RASA3: variants seen among roughly 807,000 people sequenced by gnomAD.
RASA3 encodes RAS p21 protein activator 3.
In RASA3, 73 loss-of-function variants were observed where a neutral mutation model predicts 110.0. The ratio of observed to expected loss-of-function variants is 0.66; its 90% CI spans 0.55 to 0.81. RASA3 has a LOEUF of 0.81. Among genes scored for constraint, RASA3 ranks in the 30% least tolerant of loss-of-function variants. RASA3 has a pLI of 0.00. For missense variants in RASA3, 976 were observed against 1,113.2 expected (o/e 0.88, Z 1.75); for synonymous variants, 500 against 451.4 (o/e 1.11, Z -1.37).
intron 23 of RASA3, among the ~76,000 whole-genome samples, chr13:113,980,505 C>T (rs116055252): frequency 2.3e-3 from 352 of 151,738 alleles, no homozygotes; most frequent in African/African-American, 8.4e-3. Context: ...GCATCTTGTA[C>T]CATGTGTGCC....
chr13:114,104,053 G>C (rs1313545753), intron 1 of RASA3, among the ~76,000 whole-genome samples: 1 of 27,950 alleles, frequency 3.6e-5, no homozygotes, highest in Non-Finnish European at 6.8e-5. Flanking sequence ...ATGCGTCCAT[G>C]CTGCCACGGC....
intron 1 of RASA3, among the ~76,000 whole-genome samples, chr13:114,107,023 G>A (rs1381596956): frequency 6.6e-6 from 1 of 152,232 alleles, no homozygotes; most frequent in Middle Eastern, 3.2e-3. Context: ...TGGCAAGGAC[G>A]GCTTGGTGTG....
At chr13:114,078,880 C>A (rs59110362) in intron 1 of RASA3, among the ~76,000 whole-genome samples, 1 of 152,120 alleles carries the variant, frequency 6.6e-6, no homozygotes, top group Non-Finnish European at 1.5e-5. Context: ...CGGGGCTGCC[C>A]GCAGCACCCG....
In RASA3 at chr13:114,128,380, T is replaced by C. The variant is rs2139805838; in HGVS notation, c.55+4055A>G. Among the ~76,000 whole-genome samples the C allele has an allele frequency of 3.3e-5, 5 of 152,352 alleles. No homozygotes were observed. In the Middle Eastern group the frequency reaches 0.017, roughly 518 times the overall value. ...TGTAACAGCCCTGTGACCAGCGGCCTCCACCTCCCGTGAGGGAGTCCATCA... is the reference window on the plus strand; with the variant it reads ...TGTAACAGCCCTGTGACCAGCGGCCCCCACCTCCCGTGAGGGAGTCCATCA... On this transcript the variant is annotated intron_variant, in intron 1 of 23. Coordinates refer to ENST00000334062, the MANE Select transcript of RASA3 (RefSeq NM_007368.4).
rs1206302061 is a variant in RASA3, at chr13:114,132,598, T to C, written c.-109A>G. 5 of 935,088 alleles carry C rather than the reference T, an allele frequency of 5.3e-6. No homozygotes were observed. In the East Asian group the frequency reaches 2.0e-4, roughly 38 times the overall value. The allele number at this position is 935,088 out of a possible 1,614,324, so 57.9% of individuals were successfully genotyped here. A position where few individuals can be genotyped will look rare whatever the true frequency, so the allele number is the denominator to read the frequency against. ...CCGGAGCCCCGAGCGCGGCCGAGGG[T>C]CCGCCCGCCTGCAAGACCGCCAGTT... On this transcript the variant is annotated 5_prime_UTR_variant, in exon 1 of 24. Transcript: ENST00000334062.
At chr13:114,104,256 G>C (rs1479816567) in intron 1 of RASA3, among the ~76,000 whole-genome samples, 2 of 41,448 alleles carry the variant, frequency 4.8e-5, no homozygotes, top group African/African-American at 1.1e-4. Flanking sequence ...ACACTGCCAC[G>C]GCCACGGACA....
intron 1 of RASA3, among the ~76,000 whole-genome samples, chr13:114,079,032 C>T (rs113995317): frequency 0.067 from 10,163 of 152,324 alleles, 367 homozygotes; most frequent in Middle Eastern, 0.13. Flanking sequence ...AACACAGCAG[C>T]GGGCGTCTCC....
intron 1 of RASA3, among the ~76,000 whole-genome samples, chr13:114,093,196 T>A (rs1387923669): frequency 6.6e-6 from 1 of 152,236 alleles, no homozygotes; most frequent in Admixed American, 6.5e-5. Flanking sequence ...CACATTAGCA[T>A]CCTTTTCCTT....
intron 1 of RASA3, among the ~76,000 whole-genome samples, chr13:114,082,865 C>T (rs558335908): frequency 6.6e-6 from 1 of 152,308 alleles, no homozygotes; most frequent in African/African-American, 2.4e-5. Flanking sequence ...ATGTGTAGCA[C>T]ACAACTCACA....
At chr13:113,981,485 G>A (rs574416466) in intron 23 of RASA3, among the ~76,000 whole-genome samples, 190 bp downstream of exon 23, 1 of 152,188 alleles carries the variant, frequency 6.6e-6, no homozygotes, top group Non-Finnish European at 1.5e-5. Flanking sequence ...CTCTGAAGGA[G>A]GGACCAGCAG....
intron 1 of RASA3, among the ~76,000 whole-genome samples, chr13:114,076,827 C>T (rs1308366170): frequency 6.6e-6 from 1 of 152,184 alleles, no homozygotes; most frequent in Non-Finnish European, 1.5e-5. Context: ...ACGGCTTCTG[C>T]AGCAGATAGA....
intron 1 of RASA3, among the ~76,000 whole-genome samples, chr13:114,099,176 G>A (rs941992771): frequency 6.7e-5 from 10 of 149,338 alleles, no homozygotes; most frequent in Non-Finnish European, 1.0e-4. Flanking sequence ...CACAGCAGTC[G>A]GGGCCCGGCC....
intron 10 of RASA3, 30 bp from the exon 11 acceptor site, chr13:114,018,282 G>T (rs2053838865): frequency 6.5e-7 from 1 of 1,540,880 alleles, no homozygotes; most frequent in Non-Finnish European, 8.8e-7. Flanking sequence ...CAGTGCCAGG[G>T]CCCGGGGTGC....
chr13:114,064,663 C>T (rs1399246591), intron 2 of RASA3, among the ~76,000 whole-genome samples: 1 of 152,240 alleles, frequency 6.6e-6, no homozygotes, highest in African/African-American at 2.4e-5. Flanking sequence ...TGGCCTGTGC[C>T]GGACAATCTC....
chr13:114,002,504 A>C (rs757339052), intron 18 of RASA3, among the ~76,000 whole-genome samples: 6 of 151,082 alleles, frequency 4.0e-5, no homozygotes, highest in Non-Finnish European at 5.9e-5. Flanking sequence ...TTGGGGGGGG[A>C]CTGGGAGCTC....
At chr13:114,035,283 G>A (rs764462890) in intron 4 of RASA3, among the ~76,000 whole-genome samples, 46 of 152,214 alleles carry the variant, frequency 3.0e-4, no homozygotes, top group Non-Finnish European at 5.9e-4. Context: ...GGAAAGGAAC[G>A]AGAGGACCTG....
intron 3 of RASA3, among the ~76,000 whole-genome samples, chr13:114,044,997 A>G (rs1443461523): frequency 6.6e-6 from 1 of 152,218 alleles, no homozygotes; most frequent in Non-Finnish European, 1.5e-5. Flanking sequence ...AAAATCCACA[A>G]CATTCAAAAG....
At chr13:114,103,979 G>A (rs867348709) in intron 1 of RASA3, among the ~76,000 whole-genome samples, 273 of 13,962 alleles carry the variant, frequency 0.02, no homozygotes, top group Non-Finnish European at 0.033. Context: ...CCACACTGCC[G>A]CCGGCCACAG....
At chr13:114,082,854 G>C (rs1455197132) in intron 1 of RASA3, among the ~76,000 whole-genome samples, 1 of 152,212 alleles carries the variant, frequency 6.6e-6, no homozygotes, top group African/African-American at 2.4e-5. Flanking sequence ...TAGTGTAAAA[G>C]ATGTGTAGCA....
Sources: gnomAD v4.1 joint callset for allele counts (sites outside exome capture counted in the v4.1 genomes callset) on GRCh38, gnomAD v4.1.1 for gene constraint, MANE v1.5 for transcripts, NCBI Gene and HGNC (gene_info 2026-07-23, HGNC 2026-07-21) for gene names.